FTO: variants seen among roughly 807,000 people sequenced by gnomAD.
The protein encoded by FTO is FTO alpha-ketoglutarate dependent dioxygenase, also known as alpha-ketoglutarate-dependent dioxygenase FTO.
FTO carries 47 observed loss-of-function variants against 63.9 expected under a neutral mutation model. The ratio of observed to expected loss-of-function variants is 0.74; its 90% CI spans 0.58 to 0.94. The LOEUF is 0.94. Among genes scored for constraint, FTO ranks in the 40% least tolerant of loss-of-function variants. The pLI is 0.00. For synonymous variants in FTO, 207 were observed against 224.4 expected (o/e 0.92, Z 0.69); for missense variants, 562 against 618.1 (o/e 0.91, Z 0.96).
chr16:54,036,335 G>A (rs2084940666), intron 8 of FTO, among the ~76,000 whole-genome samples: 1 of 152,118 alleles, frequency 6.6e-6, no homozygotes, highest in South Asian at 2.1e-4. Context: ...ATGCATACGA[G>A]GGTGTTCATT....
At chr16:53,828,311 C>T (rs1213201238) in intron 3 of FTO, among the ~76,000 whole-genome samples, 1 of 152,096 alleles carries the variant, frequency 6.6e-6, no homozygotes, top group East Asian at 1.9e-4. Flanking sequence ...GCTCCGCCTC[C>T]CAGGTTCACG....
chr16:53,788,485 C>T (rs1207814808), intron 1 of FTO, among the ~76,000 whole-genome samples: 1 of 151,554 alleles, frequency 6.6e-6, no homozygotes, highest in South Asian at 2.1e-4. Context: ...CGCCTGTAAT[C>T]CCATCTACTA....
At chr16:53,903,600 C>T (rs2081460137) in intron 7 of FTO, among the ~76,000 whole-genome samples, 1 of 152,118 alleles carries the variant, frequency 6.6e-6, no homozygotes, top group East Asian at 1.9e-4. Flanking sequence ...TGTTTTTTCC[C>T]CACATGGATA....
chr16:54,051,832 A>G (rs754567484), intron 8 of FTO, among the ~76,000 whole-genome samples: 1 of 152,244 alleles, frequency 6.6e-6, no homozygotes, highest in Non-Finnish European at 1.5e-5. Flanking sequence ...GAGGTGTTTT[A>G]CATTTTATGA....
chr16:54,062,990 A>G (rs1333615017), intron 8 of FTO, among the ~76,000 whole-genome samples: 1 of 152,108 alleles, frequency 6.6e-6, no homozygotes, highest in Non-Finnish European at 1.5e-5. Context: ...TGCGCCCCCG[A>G]GGGGTGTGCG....
chr16:54,086,253 A>G (rs1294963772), intron 8 of FTO, among the ~76,000 whole-genome samples: 2 of 152,228 alleles, frequency 1.3e-5, no homozygotes, highest in Non-Finnish European at 2.9e-5. Context: ...CTCGTGCTAA[A>G]TGAACCACAA....
intron 3 of FTO, among the ~76,000 whole-genome samples, chr16:53,840,676 A>G (rs1042833590): frequency 6.6e-6 from 1 of 152,174 alleles, no homozygotes; most frequent in Non-Finnish European, 1.5e-5. Context: ...CACGGGACTG[A>G]TTTGCCTGTG....
At chr16:53,943,609 A>C (rs973233734) in intron 8 of FTO, among the ~76,000 whole-genome samples, 1 of 152,242 alleles carries the variant, frequency 6.6e-6, no homozygotes, top group African/African-American at 2.4e-5. Flanking sequence ...AATGACAGAT[A>C]TGAACTCTTT....
intron 8 of FTO, among the ~76,000 whole-genome samples, chr16:54,066,662 A>G (rs2085741381): frequency 1.3e-5 from 2 of 152,166 alleles, no homozygotes; most frequent in African/African-American, 4.8e-5. Flanking sequence ...ACTGCCCACC[A>G]TTTGCTGACT....
chr16:53,936,606 A>G (rs1287798272), intron 8 of FTO, among the ~76,000 whole-genome samples: 2 of 152,218 alleles, frequency 1.3e-5, no homozygotes, highest in African/African-American at 4.8e-5. Flanking sequence ...AGATTGGCCT[A>G]TTGTGTACTT....
chr16:53,936,111 C>T (rs1337240316), intron 8 of FTO, among the ~76,000 whole-genome samples: 1 of 152,230 alleles, frequency 6.6e-6, no homozygotes, highest in South Asian at 2.1e-4. Context: ...AAGGAATCTG[C>T]TTTCAGCATT....
chr16:53,853,729 T>C (rs1449117182), intron 4 of FTO, among the ~76,000 whole-genome samples: 2 of 152,232 alleles, frequency 1.3e-5, no homozygotes, highest in East Asian at 3.8e-4. Context: ...CAACAGTTGT[T>C]GGGCACTTTG....
chr16:54,109,108 C>G (rs1331449038), intron 8 of FTO, among the ~76,000 whole-genome samples: 1 of 152,172 alleles, frequency 6.6e-6, no homozygotes, highest in African/African-American at 2.4e-5. Flanking sequence ...CAATAACGAG[C>G]GCTCTGCTGG....
chr16:53,792,323 A>G (rs933127571), intron 1 of FTO, among the ~76,000 whole-genome samples: 1 of 152,218 alleles, frequency 6.6e-6, no homozygotes, highest in Admixed American at 6.5e-5. Flanking sequence ...TTAAACTAAC[A>G]TGTCATATCT....
intron 6 of FTO, among the ~76,000 whole-genome samples, chr16:53,883,638 A>AAC (rs1555488978): frequency 3.4e-5 from 5 of 147,782 alleles, no homozygotes; most frequent in Admixed American, 2.0e-4. Context: ...AAAAAAAACA[A>AAC]AAAAAAAAAA....
At chr16:54,069,910 C>T (rs2085824768) in intron 8 of FTO, 3 of 152,122 alleles carry the variant, frequency 2.0e-5, no homozygotes, top group Admixed American at 2.0e-4. Context: ...TCAGATAAGC[C>T]TGGGTTTGAT....
At chr16:53,937,084 G>T (rs1436082526) in intron 8 of FTO, among the ~76,000 whole-genome samples, 1 of 152,142 alleles carries the variant, frequency 6.6e-6, no homozygotes, top group Non-Finnish European at 1.5e-5. Context: ...TGAGGAAAGT[G>T]TCAATTTTGC....
intron 1 of FTO, among the ~76,000 whole-genome samples, chr16:53,801,453 T>C (rs1043993338): frequency 5.9e-5 from 9 of 152,128 alleles, no homozygotes; most frequent in Non-Finnish European, 1.2e-4. Flanking sequence ...TTTGCTTTAG[T>C]CAATTATCTT....
At chr16:53,761,576 T>C (rs1475570873) in intron 1 of FTO, among the ~76,000 whole-genome samples, 1 of 152,234 alleles carries the variant, frequency 6.6e-6, no homozygotes, top group African/African-American at 2.4e-5. Context: ...AAACAAAATT[T>C]AATATGGAGA....
Sources: gnomAD v4.1 joint callset for allele counts (sites outside exome capture counted in the v4.1 genomes callset) on GRCh38, gnomAD v4.1.1 for gene constraint, MANE v1.5 for transcripts, NCBI Gene and HGNC (gene_info 2026-07-23, HGNC 2026-07-21) for gene names.